The following HSD11B1 variants were observed in gnomAD, a reference collection of about 807,000 sequenced individuals.
HSD11B1 encodes hydroxysteroid 11-beta dehydrogenase 1.
In HSD11B1, 15 loss-of-function variants were observed where a neutral mutation model predicts 22.1. That is an observed-to-expected ratio of 0.68 (90% CI 0.45 to 1.04). HSD11B1 has a LOEUF of 1.04. Ranked by LOEUF, HSD11B1 falls within the 50% of genes least tolerant of loss-of-function variation. The pLI is 0.00. For missense variants in HSD11B1, 281 were observed against 357.6 expected (o/e 0.79, Z 1.73); for synonymous variants, 122 against 125.2 (o/e 0.97, Z 0.17).
At position 209,731,336 on chromosome 1, in the gene HSD11B1, G is replaced by T. The variant is rs765026471; in HGVS notation, c.518-1100G>T. ...AAAAAAAAAATCAACACTCTTTGGA[G>T]GAATGTGACAGAATCCAGGTACCCT... On this transcript the variant is annotated intron_variant, in intron 4 of 5. Transcript: ENST00000367027. Among the ~76,000 whole-genome samples the T allele has an allele frequency of 5.3e-5, 8 of 152,148 alleles. No homozygotes were observed. The South Asian group carries it at 6.2e-4, about 12-fold the overall frequency.
intron 1 of HSD11B1, among the ~76,000 whole-genome samples, chr1:209,691,116 G>T (rs1462271777): frequency 6.6e-6 from 1 of 152,204 alleles, no homozygotes; most frequent in Non-Finnish European, 1.5e-5. Context: ...CTGAACAGCA[G>T]TTGGACCTCT....
At position 209,706,800 on chromosome 1, in the gene HSD11B1, C is replaced by A. The variant is rs1160768142; in HGVS notation, c.311C>A (p.Ala104Asp). ...EDMTFAEQFVAQAGKLMGGLD... is the reference protein window; with the variant it reads ...EDMTFAEQFVDQAGKLMGGLD... ...ATGACCTTCGCAGAGCAATTTGTTG[C>A]CCAAGCAGGAAAGCTCATGGGTGAG... Residue 104 changes from alanine (A) to aspartate (D), a missense_variant, in exon 3 of 6, where the codon GCC (alanine) becomes GAC (aspartate). Transcript: ENST00000367027. This position sits in a 1 kb window ranked among gnomAD's most constrained non-coding sequence, Gnocchi z 4.0. The A allele has an allele frequency of 3.1e-6, 5 of 1,613,986 alleles. No individual in the cohort carries two copies. The highest frequency in any genetic ancestry group is 4.2e-6 in the Non-Finnish European group (5 of 1,179,882).
upstream of HSD11B1, among the ~76,000 whole-genome samples, chr1:209,700,842 C>T (rs532114398): frequency 1.3e-5 from 2 of 152,306 alleles, no homozygotes; most frequent in South Asian, 4.1e-4. Context: ...TTCCACAAAT[C>T]TCTAGGGCAG....
At position 209,705,917 on chromosome 1, in the gene HSD11B1, G is replaced by A. The variant is rs377646313; in HGVS notation, c.195G>A (p.Ala65=). 101 of 1,613,944 alleles carry A rather than the reference G, an allele frequency of 6.3e-5. No homozygotes were observed. Among genetic ancestry groups the A allele is most frequent in the Non-Finnish European group, 7.7e-5 (91 of 1,179,868 alleles). ...TGGGAGCCCATGTGGTGGTGACAGC[G>A]AGGTCAAAAGAAACTCTACAGAAGG... The part of the protein sequence containing the change: ...AKMGAHVVVT[A]RSKETLQKVV... Residue 65 remains alanine (A), a synonymous_variant, in exon 2 of 6, where the codon GCG becomes GCA. Transcript: ENST00000367027.
chr1:209,702,777 G>A (rs2076833235), upstream of HSD11B1, among the ~76,000 whole-genome samples: 1 of 152,186 alleles, frequency 6.6e-6, no homozygotes, highest in Non-Finnish European at 1.5e-5. Context: ...ATTATTAAGA[G>A]TATACAAGGG....
chr1:209,726,912 T>C (rs528057948), intron 4 of HSD11B1, among the ~76,000 whole-genome samples: 51 of 152,158 alleles, frequency 3.4e-4, no homozygotes, highest in Non-Finnish European at 7.2e-4. Flanking sequence ...GACAAACACA[T>C]TAAATGTCAT....
intron 4 of HSD11B1, among the ~76,000 whole-genome samples, chr1:209,726,690 C>A (rs1366582497): frequency 2.6e-5 from 4 of 152,172 alleles, no homozygotes; most frequent in Admixed American, 6.6e-5. Flanking sequence ...TACTTCTCTC[C>A]TTTCTTCTGC....
At chr1:209,733,602 G>T (rs2077048841) in intron 5 of HSD11B1, among the ~76,000 whole-genome samples, 1 of 152,208 alleles carries the variant, frequency 6.6e-6, no homozygotes, top group African/African-American at 2.4e-5. Flanking sequence ...GGGAGCAGGT[G>T]TGGAATATAA....
chr1:209,721,635 T>C (rs1046623168), intron 4 of HSD11B1, among the ~76,000 whole-genome samples: 1 of 152,114 alleles, frequency 6.6e-6, no homozygotes, highest in Non-Finnish European at 1.5e-5. Context: ...CAATGCCTTC[T>C]CTAGCTCATT....
At chr1:209,700,434 A>G (rs2102363757), upstream of HSD11B1, among the ~76,000 whole-genome samples, 1 of 152,252 alleles carries the variant, frequency 6.6e-6, no homozygotes, top group South Asian at 2.1e-4. Context: ...GGCTCCTTTC[A>G]GCTGGGACAC....
chr1:209,706,656 C>A lies in HSD11B1; in HGVS notation c.220-53C>A, dbSNP rs2076860874. On this transcript the variant is annotated intron_variant, in intron 2 of 5. Transcript: ENST00000367027. This position sits in a 1 kb window ranked among gnomAD's most constrained non-coding sequence, Gnocchi z 4.0. ...AAGCCCCCCGTTACTTCAGAGACTA[C>A]CCCCCAAAAATCTGCAGCTAAGACT... The A allele has an allele frequency of 3.3e-6, 4 of 1,222,980 alleles. No homozygotes were observed. The highest frequency in any genetic ancestry group is 3.6e-6 in the Non-Finnish European group (3 of 825,232). The allele number at this position is 1,222,980 out of a possible 1,614,324, so 75.8% of individuals were successfully genotyped here. A position where few individuals can be genotyped will look rare whatever the true frequency, so the allele number is the denominator to read the frequency against.
intron 4 of HSD11B1, among the ~76,000 whole-genome samples, chr1:209,717,915 A>T (rs865954106): frequency 6.6e-6 from 1 of 151,602 alleles, no homozygotes. Context: ...TATCAAAGAG[A>T]TATATGCAAC....
chr1:209,723,341 T>C (rs1361062592), intron 4 of HSD11B1, among the ~76,000 whole-genome samples: 1 of 152,190 alleles, frequency 6.6e-6, no homozygotes, highest in Non-Finnish European at 1.5e-5. Context: ...TTTATTTACT[T>C]ACTAATTTTG....
Position 209,706,036 on chromosome 1 carries a change from A to T in HSD11B1, c.219+95A>T. 6.6e-7 allele frequency: 1 copy of T among 1,521,676 alleles called. No homozygotes were observed. The highest frequency in any genetic ancestry group is 9.1e-7 in the Non-Finnish European group (1 of 1,100,580). 94.3% of individuals were successfully genotyped at this position (1,521,676 alleles called of 1,614,324 possible). A position where few individuals can be genotyped will look rare whatever the true frequency, so the allele number is the denominator to read the frequency against. On this transcript the variant is annotated intron_variant, in intron 2 of 5. Transcript: ENST00000367027. The surrounding 1 kb of genome is among the most constrained non-coding windows in gnomAD (Gnocchi z 4.0). ...ATACACAGAAGCTAGCATATCGCAG[A>T]TCTATATACAGAGGCACATGCACAC...
intron 1 of HSD11B1, among the ~76,000 whole-genome samples, chr1:209,692,103 G>A (rs1420802475): frequency 6.6e-6 from 1 of 151,156 alleles, no homozygotes; most frequent in African/African-American, 2.4e-5. Flanking sequence ...AAATGGCTCA[G>A]TTATAACACA....
At chr1:209,705,206 G>A (rs2076849528) in intron 1 of HSD11B1, among the ~76,000 whole-genome samples, 176 bp downstream of exon 1, 1 of 152,106 alleles carries the variant, frequency 6.6e-6, no homozygotes, top group Admixed American at 6.5e-5. Context: ...AGGGGGGACT[G>A]TGTAGGAAGG....
intron 4 of HSD11B1, among the ~76,000 whole-genome samples, chr1:209,726,291 A>C (rs1230739282): frequency 6.6e-6 from 1 of 151,658 alleles, no homozygotes; most frequent in East Asian, 1.9e-4. Flanking sequence ...AAAAAAAAAA[A>C]AAAAAAAAAA....
chr1:209,704,636 G>C (rs1254749825), upstream of HSD11B1, among the ~76,000 whole-genome samples: 1 of 152,176 alleles, frequency 6.6e-6, no homozygotes, highest in Non-Finnish European at 1.5e-5. Flanking sequence ...GGGTAGGGAT[G>C]CTCAGGAATC....
intron 4 of HSD11B1, among the ~76,000 whole-genome samples, chr1:209,711,701 C>T (rs1372893712): frequency 1.3e-5 from 2 of 151,984 alleles, no homozygotes; most frequent in Non-Finnish European, 2.9e-5. Flanking sequence ...GCAACCTGGG[C>T]ATAAAAATTC....
Sources: allele counts gnomAD v4.1 joint callset (sites outside exome capture counted in the v4.1 genomes callset), GRCh38; gene constraint gnomAD v4.1.1; non-coding constraint Gnocchi (gnomAD v3.1); transcripts MANE v1.5; gene names NCBI Gene and HGNC (gene_info 2026-07-23, HGNC 2026-07-21).